Variants in FRMPD4 observed in about 807,000 individuals in gnomAD.
The protein encoded by FRMPD4 is FERM and PDZ domain containing 4, also known as FERM and PDZ domain-containing protein 4.
A neutral mutation model predicts 94.1 loss-of-function variants in FRMPD4; 22 were observed. The observed-to-expected ratio is 0.23, with a 90% confidence interval of 0.17 to 0.33. The LOEUF is 0.33. FRMPD4 is among the 10% of genes least tolerant of loss of function. FRMPD4 has a pLI of 1.00. For synonymous variants in FRMPD4, 631 were observed against 548.6 expected (o/e 1.15, Z -2.10); for missense variants, 1,111 against 1,339.9 (o/e 0.83, Z 2.67).
intron 1 of FRMPD4, among the ~76,000 whole-genome samples, chrX:12,181,396 A>T (rs1444086422): frequency 1.8e-5 from 2 of 112,332 alleles, no homozygotes; most frequent in Non-Finnish European, 3.8e-5. Flanking sequence ...TTTAGAAAAA[A>T]GATGGATAAT....
chrX:12,087,606 G>A (rs185627038), intron 3 of FRMPD4, among the ~76,000 whole-genome samples: 443 of 111,798 alleles, frequency 4.0e-3, no homozygotes, highest in African/African-American at 0.014. Context: ...TGTTCAAGGA[G>A]AAACAAAAAA....
At chrX:11,880,439 C>CT (rs1232485135) in intron 3 of FRMPD4, among the ~76,000 whole-genome samples, 19 of 111,008 alleles carry the variant, frequency 1.7e-4, no homozygotes. Flanking sequence ...GATTGCATGC[C>CT]TTCAAGTTCA....
chrX:12,425,085 A>G (rs2056930023), intron 1 of FRMPD4, among the ~76,000 whole-genome samples: 1 of 112,634 alleles, frequency 8.9e-6, no homozygotes, highest in South Asian at 3.7e-4. Flanking sequence ...TGATTCAGGA[A>G]GACAAAATAA....
intron 3 of FRMPD4, among the ~76,000 whole-genome samples, chrX:11,995,067 A>G (rs1257915306): frequency 9.3e-6 from 1 of 107,701 alleles, no homozygotes. Flanking sequence ...TTTTTTTTCT[A>G]TCAAAACAGC....
chrX:11,881,396 C>A (rs761769741), intron 3 of FRMPD4, among the ~76,000 whole-genome samples: 12 of 112,123 alleles, frequency 1.1e-4, no homozygotes, highest in Admixed American at 9.5e-5. Context: ...TGGAAACAAC[C>A]CAAATACCCT....
chrX:12,159,504 A>G (rs2055988409), intron 1 of FRMPD4, among the ~76,000 whole-genome samples: 1 of 111,595 alleles, frequency 9.0e-6, no homozygotes, highest in Non-Finnish European at 1.9e-5. Flanking sequence ...GGGGTGGGTA[A>G]AGTCTGGATC....
At position 12,716,481 on chromosome X, in the gene FRMPD4, A is replaced by G. The variant is rs139499297; in HGVS notation, c.2022A>G (p.Leu674=). 110 of 1,207,944 alleles carry G rather than the reference A, an allele frequency of 9.1e-5. No individual in the cohort carries two copies. The highest frequency in any genetic ancestry group is 1.2e-4 in the Non-Finnish European group (106 of 894,281). The change falls in exon 15 of 17, where the codon CTA becomes CTG. Residue 674 remains leucine, a synonymous_variant. Transcript: ENST00000675598. ...ISPPTLGYET[L]LDEGPEMLEK... is the part of the protein sequence containing the mutation. The stretch of plus-strand genomic sequence containing the variant: ...CCCCAACCCTTGGCTATGAAACGCT[A>G]CTAGATGAGGGTCCTGAAATGCTGG...
At chrX:11,867,499 G>C (rs1326049289) in intron 2 of FRMPD4, among the ~76,000 whole-genome samples, 1 of 111,638 alleles carries the variant, frequency 9.0e-6, no homozygotes, top group East Asian at 2.8e-4. Flanking sequence ...CTTTCACCTT[G>C]GGAAATTTCC....
intron 1 of FRMPD4, among the ~76,000 whole-genome samples, chrX:12,240,548 G>A (rs1177091097): frequency 3.6e-5 from 4 of 112,347 alleles, no homozygotes; most frequent in Admixed American, 2.8e-4. Context: ...TTCAGTAAAT[G>A]CATGAGCTCT....
At chrX:11,989,682 G>T (rs1270096322) in intron 3 of FRMPD4, among the ~76,000 whole-genome samples, 1 of 112,049 alleles carries the variant, frequency 8.9e-6, no homozygotes, top group Non-Finnish European at 1.9e-5. Flanking sequence ...TGCTTGAGGG[G>T]ATGGTTACTT....
intron 1 of FRMPD4, among the ~76,000 whole-genome samples, chrX:12,155,471 G>A (rs5979523): frequency 0.05 from 5,231 of 105,174 alleles, 304 homozygotes; most frequent in African/African-American, 0.17. Flanking sequence ...TGGTAAACTC[G>A]ATTCAAGGTG....
chrX:12,584,341 G>T (rs377377261), intron 2 of FRMPD4, among the ~76,000 whole-genome samples: 1 of 112,067 alleles, frequency 8.9e-6, no homozygotes, highest in Non-Finnish European at 1.9e-5. Context: ...TCCAGTCCTG[G>T]TAACATCTAA....
intron 2 of FRMPD4, among the ~76,000 whole-genome samples, chrX:12,509,658 G>A (rs750848759): frequency 1.3e-3 from 139 of 110,600 alleles, no homozygotes; most frequent in Admixed American, 3.3e-3. Context: ...TGATGGGTGC[G>A]CCAAAATCTC....
intron 3 of FRMPD4, among the ~76,000 whole-genome samples, chrX:12,000,358 A>C (rs857531): frequency 0.45 from 49,500 of 110,948 alleles, 7,853 homozygotes; most frequent in East Asian, 0.71. Context: ...TTCAACTCTT[A>C]TTTTAAAATA....
intron 2 of FRMPD4, among the ~76,000 whole-genome samples, chrX:12,582,117 A>G (rs181251568): frequency 2.1e-4 from 24 of 112,438 alleles, no homozygotes; most frequent in African/African-American, 6.8e-4. Flanking sequence ...AAATGCATGC[A>G]TGCAAGAATT....
chrX:12,165,642 G>C (rs1315248941), intron 1 of FRMPD4, among the ~76,000 whole-genome samples: 2 of 111,702 alleles, frequency 1.8e-5, no homozygotes, highest in Non-Finnish European at 3.8e-5. Context: ...ACCTTGGGCA[G>C]TATGGCCATT....
chrX:11,843,894 ATTTAC>A (rs748263872), intron 1 of FRMPD4, among the ~76,000 whole-genome samples: 2 of 107,544 alleles, frequency 1.9e-5, no homozygotes, highest in East Asian at 2.9e-4. Flanking sequence ...TGTGGATTTC[ATTTAC>A]TATCTTATGT....
chrX:11,871,705 C>T (rs1222294600), intron 2 of FRMPD4, among the ~76,000 whole-genome samples: 1 of 111,861 alleles, frequency 8.9e-6, no homozygotes, highest in East Asian at 2.8e-4. Flanking sequence ...TTGGGATTGG[C>T]TTAGAAGATG....
intron 3 of FRMPD4, among the ~76,000 whole-genome samples, chrX:11,998,654 G>A (rs906248701): frequency 5.4e-5 from 6 of 111,339 alleles, no homozygotes; most frequent in Non-Finnish European, 5.7e-5. Flanking sequence ...AAGTTCTGCC[G>A]AAAAAGGGGA....
Sources: allele counts gnomAD v4.1 joint callset (sites outside exome capture counted in the v4.1 genomes callset), GRCh38; gene constraint gnomAD v4.1.1; transcripts MANE v1.5; gene names NCBI Gene and HGNC (gene_info 2026-07-23, HGNC 2026-07-21).